ST6GALNAC3: variants seen among roughly 807,000 people sequenced by gnomAD.
ST6GALNAC3 encodes ST6 N-acetylgalactosaminide alpha-2,6-sialyltransferase 3.
In ST6GALNAC3, 25 loss-of-function variants were observed where a neutral mutation model predicts 32.7. The ratio of observed to expected loss-of-function variants is 0.76; its 90% CI spans 0.56 to 1.07. The LOEUF is 1.07. Ranked by LOEUF, ST6GALNAC3 falls within the 50% of genes least tolerant of loss-of-function variation. ST6GALNAC3 has a pLI of 0.00. For synonymous variants in ST6GALNAC3, 129 were observed against 133.1 expected (o/e 0.97, Z 0.21); for missense variants, 355 against 382.4 (o/e 0.93, Z 0.60).
At chr1:76,168,543 G>C (rs1652272555) in intron 1 of ST6GALNAC3, among the ~76,000 whole-genome samples, 1 of 152,026 alleles carries the variant, frequency 6.6e-6, no homozygotes, top group Non-Finnish European at 1.5e-5. Flanking sequence ...TCTCTCACTG[G>C]TCTGTCTAAT....
At chr1:76,168,809 A>T (rs1457897145) in intron 1 of ST6GALNAC3, among the ~76,000 whole-genome samples, 1 of 151,304 alleles carries the variant, frequency 6.6e-6, no homozygotes, top group Non-Finnish European at 1.5e-5. Context: ...TGCTTGGTAG[A>T]TTTTTCTCCA....
chr1:76,587,644 G>T (rs1646982657), intron 3 of ST6GALNAC3, among the ~76,000 whole-genome samples: 1 of 152,170 alleles, frequency 6.6e-6, no homozygotes, highest in Admixed American at 6.5e-5. Context: ...CCTGATGTTG[G>T]TGTGAGGATT....
chr1:76,418,768 C>G (rs1286167383), intron 3 of ST6GALNAC3, among the ~76,000 whole-genome samples: 1 of 151,952 alleles, frequency 6.6e-6, no homozygotes, highest in Non-Finnish European at 1.5e-5. Flanking sequence ...TGGGCAGATC[C>G]ATAGGACTCC....
chr1:76,563,318 C>T (rs1665355980), intron 3 of ST6GALNAC3, among the ~76,000 whole-genome samples: 1 of 152,190 alleles, frequency 6.6e-6, no homozygotes, highest in Admixed American at 6.5e-5. Context: ...ATTGTGAAAT[C>T]TGCCTCACTT....
chr1:76,119,953 C>G (rs1191176912), intron 1 of ST6GALNAC3, among the ~76,000 whole-genome samples: 1 of 152,222 alleles, frequency 6.6e-6, no homozygotes, highest in East Asian at 1.9e-4. Flanking sequence ...AGAATAGATT[C>G]TGTGGGCACA....
chr1:76,619,001 C>G (rs1465631540), intron 3 of ST6GALNAC3, among the ~76,000 whole-genome samples: 1 of 152,082 alleles, frequency 6.6e-6, no homozygotes, highest in East Asian at 1.9e-4. Flanking sequence ...TAATCTGAAA[C>G]TATAAACTGC....
chr1:76,090,976 G>A (rs1287651617), intron 1 of ST6GALNAC3, among the ~76,000 whole-genome samples: 2 of 152,190 alleles, frequency 1.3e-5, no homozygotes, highest in African/African-American at 4.8e-5. Flanking sequence ...TTTGTACTTG[G>A]AAATGACTTG....
intron 3 of ST6GALNAC3, among the ~76,000 whole-genome samples, chr1:76,468,410 C>A (rs918154646): frequency 2.6e-5 from 4 of 151,958 alleles, no homozygotes; most frequent in African/African-American, 9.7e-5. Flanking sequence ...TTAGGCTTGA[C>A]CTTTGCAAAT....
At chr1:76,237,306 G>T (rs893064789) in intron 1 of ST6GALNAC3, among the ~76,000 whole-genome samples, 1 of 152,128 alleles carries the variant, frequency 6.6e-6, no homozygotes. Context: ...GCTAATTTTT[G>T]TGTTTTCAGT....
chr1:76,408,805 A>G (rs928356105), intron 2 of ST6GALNAC3, among the ~76,000 whole-genome samples: 2 of 151,994 alleles, frequency 1.3e-5, no homozygotes, highest in African/African-American at 4.8e-5. Context: ...CTATACCCCA[A>G]CCATGCTTTT....
intron 1 of ST6GALNAC3, among the ~76,000 whole-genome samples, chr1:76,152,147 G>A (rs681280): frequency 0.11 from 16,031 of 152,196 alleles, 1,117 homozygotes; most frequent in Non-Finnish European, 0.15. Flanking sequence ...ATGGCTGAGC[G>A]TGTAAATAAA....
intron 3 of ST6GALNAC3, among the ~76,000 whole-genome samples, chr1:76,543,884 T>G (rs796720024): frequency 6.6e-6 from 1 of 152,180 alleles, no homozygotes; most frequent in African/African-American, 2.4e-5. Context: ...CAACTTCTTA[T>G]TTTGCTAAGT....
In ST6GALNAC3 at chr1:76,085,289, A is replaced by G. The variant is rs184801405; in HGVS notation, c.18+10405A>G. On this transcript the variant is annotated intron_variant, in intron 1 of 4. Coordinates refer to ENST00000328299, the MANE Select transcript of ST6GALNAC3 (RefSeq NM_152996.4). ...GTCTATAAGGCCCAAAATATTTACT[A>G]CCCATCTCTTTACAGGTAAAGTTTG... Among the ~76,000 whole-genome samples the G allele has an allele frequency of 1.4e-3, 219 of 152,258 alleles. 1 individual carries two copies. The highest frequency in any genetic ancestry group is 2.5e-3 in the Admixed American group (38 of 15,300).
At chr1:76,317,612 T>C (rs1276869546) in intron 2 of ST6GALNAC3, among the ~76,000 whole-genome samples, 2 of 152,154 alleles carry the variant, frequency 1.3e-5, no homozygotes, top group African/African-American at 4.8e-5. Flanking sequence ...ATATGGTTTC[T>C]GGAAATTACT....
At chr1:76,441,262 A>G (rs1330335823) in intron 3 of ST6GALNAC3, among the ~76,000 whole-genome samples, 2 of 152,126 alleles carry the variant, frequency 1.3e-5, no homozygotes, top group African/African-American at 2.4e-5. Context: ...TCAAGCATAT[A>G]TTATATTACT....
intron 1 of ST6GALNAC3, among the ~76,000 whole-genome samples, chr1:76,309,465 C>T (rs1001066472): frequency 3.3e-5 from 5 of 152,092 alleles, no homozygotes; most frequent in East Asian, 1.9e-4. Context: ...TTGCATTCAG[C>T]GATGTGTAGC....
At chr1:76,412,520 G>A (rs894858993) in intron 3 of ST6GALNAC3, 103 bp downstream of exon 3, 8 of 1,220,618 alleles carry the variant, frequency 6.6e-6, no homozygotes, top group East Asian at 5.1e-5. Flanking sequence ...ATTTATTTAC[G>A]CTGATTGTTA....
intron 1 of ST6GALNAC3, among the ~76,000 whole-genome samples, chr1:76,115,344 T>C (rs544763322): frequency 1.2e-4 from 19 of 152,340 alleles, no homozygotes; most frequent in Admixed American, 1.2e-3. Flanking sequence ...GTATGATTCA[T>C]GACTGATTTG....
At chr1:76,539,258 A>C (rs1663830194) in intron 3 of ST6GALNAC3, among the ~76,000 whole-genome samples, 1 of 152,198 alleles carries the variant, frequency 6.6e-6, no homozygotes, top group Non-Finnish European at 1.5e-5. Context: ...AAAAACAAGC[A>C]ATGGGGAAAT....
Sources: gnomAD v4.1 joint callset for allele counts (sites outside exome capture counted in the v4.1 genomes callset) on GRCh38, gnomAD v4.1.1 for gene constraint, MANE v1.5 for transcripts, NCBI Gene and HGNC (gene_info 2026-07-23, HGNC 2026-07-21) for gene names.